SYNE1: variants seen among roughly 807,000 people sequenced by gnomAD.
SYNE1 encodes spectrin repeat containing nuclear envelope protein 1.
SYNE1 carries 616 observed loss-of-function variants against 1,111.0 expected under a neutral mutation model. The observed-to-expected ratio is 0.55, with a 90% confidence interval of 0.52 to 0.59. SYNE1 has a LOEUF of 0.59. Among genes scored for constraint, SYNE1 ranks in the 20% least tolerant of loss-of-function variants. The probability of loss-of-function intolerance (pLI) is 0.00; values close to 1 mark genes in which losing one functional copy is unlikely to be tolerated. For missense variants in SYNE1, 10,006 were observed against 10,417.0 expected (o/e 0.96, Z 1.72); for synonymous variants, 3,855 against 3,825.8 (o/e 1.01, Z -0.28).
At position 152,526,127 on chromosome 6, in the gene SYNE1, C is replaced by T. The variant is rs767236485; in HGVS notation, c.178G>A (p.Gly60Ser). ...VDDLFEDMKD[G>S]VKLLALLEVL... ...TCCAGAAGGGCAAGCAGTTTAACAC[C>T]ATCTTTCATGTCTTCAAAAAGATCG... is the stretch of plus-strand genomic sequence containing the variant. The change falls in exon 5 of 146, where the codon GGT becomes AGT. Residue 60 changes from glycine to serine, a missense_variant. Physicochemically the swap from Gly to Ser is moderately conservative, Grantham distance 56. This residue lies in a region of SYNE1 where 1,971 missense variants were observed against 2,084.1 expected (regional missense o/e 0.95). Transcript: ENST00000367255. The T allele has an allele frequency of 1.9e-6, 3 of 1,614,088 alleles. No homozygotes were observed. The South Asian group carries it at 3.3e-5, about 18-fold the overall frequency.
At chr6:152,450,942 TA>T in intron 26 of SYNE1, 104 bp downstream of exon 26, 1 of 1,593,092 alleles carries the variant, frequency 6.3e-7, no homozygotes, top group Non-Finnish European at 8.6e-7. Context: ...CAAGGTAGAG[TA>T]ATTAAGCTAT....
intron 127 of SYNE1, among the ~76,000 whole-genome samples, chr6:152,200,340 A>G (rs533054338): frequency 6.6e-6 from 1 of 152,352 alleles, no homozygotes; most frequent in South Asian, 2.1e-4. Flanking sequence ...AGATAACACC[A>G]ATATAGTCAC....
intron 3 of SYNE1, among the ~76,000 whole-genome samples, chr6:152,611,238 AT>A (rs1334332086): frequency 6.6e-6 from 1 of 152,208 alleles, no homozygotes; most frequent in Non-Finnish European, 1.5e-5. Context: ...AGTGTGCTGT[AT>A]TCAGGAGACC....
At chr6:152,441,565 A>T (rs1191483363) in intron 31 of SYNE1, among the ~76,000 whole-genome samples, 1 of 152,222 alleles carries the variant, frequency 6.6e-6, no homozygotes, top group African/African-American at 2.4e-5. Flanking sequence ...TGACAAAAAA[A>T]TAAAAAAGGC....
At chr6:152,199,477 C>T (rs1329411478) in intron 127 of SYNE1, among the ~76,000 whole-genome samples, 1 of 151,806 alleles carries the variant, frequency 6.6e-6, no homozygotes, top group East Asian at 1.9e-4. Flanking sequence ...CTTTAAGTTA[C>T]TAAAAAAGAT....
intron 123 of SYNE1, among the ~76,000 whole-genome samples, chr6:152,212,478 T>C (rs1034130946): frequency 1.3e-5 from 2 of 152,186 alleles, no homozygotes; most frequent in Admixed American, 1.3e-4. Flanking sequence ...TTATTGCAAA[T>C]AGTATTCTAT....
chr6:152,165,599 T>C (rs565870218), intron 130 of SYNE1, among the ~76,000 whole-genome samples: 10 of 152,368 alleles, frequency 6.6e-5, no homozygotes, highest in South Asian at 4.1e-4. Context: ...TATTTCACAA[T>C]ATATTCTTTT....
intron 117 of SYNE1, among the ~76,000 whole-genome samples, chr6:152,222,916 C>T (rs972192758): frequency 8.5e-5 from 13 of 152,178 alleles, no homozygotes; most frequent in African/African-American, 3.1e-4. Flanking sequence ...TCTACCAAGC[C>T]TATCTAAATA....
chr6:152,421,802 T>G (rs977759467), intron 39 of SYNE1, among the ~76,000 whole-genome samples: 1 of 151,918 alleles, frequency 6.6e-6, no homozygotes, highest in Non-Finnish European at 1.5e-5. Flanking sequence ...GCCTCCCAGA[T>G]TCAAGAGATT....
chr6:152,447,350 A>G, intron 29 of SYNE1, 108 bp downstream of exon 29: 2 of 1,260,240 alleles, frequency 1.6e-6, no homozygotes, highest in Non-Finnish European at 2.2e-6. Flanking sequence ...TTCTGTTTCA[A>G]CTATGGTTTC....
chr6:152,374,799 T>TAAAA (rs1445130553), intron 58 of SYNE1, among the ~76,000 whole-genome samples: 1 of 120,160 alleles, frequency 8.3e-6, no homozygotes, highest in Admixed American at 8.3e-5. Context: ...AATAAATAAA[T>TAAAA]AAAAAGAAAA....
chr6:152,495,994 C>A (rs2098997485), intron 11 of SYNE1, among the ~76,000 whole-genome samples: 1 of 152,200 alleles, frequency 6.6e-6, no homozygotes, highest in Non-Finnish European at 1.5e-5. Context: ...CAAGACACCT[C>A]TTTTAGTGCT....
In SYNE1 at chr6:152,285,432, T is replaced by C. The variant is rs532224151; in HGVS notation, c.18013-1260A>G. Among the ~76,000 whole-genome samples the C allele has an allele frequency of 2.0e-5, 3 of 152,314 alleles. No individual in the cohort carries two copies. In the East Asian group the frequency reaches 5.8e-4, roughly 29 times the overall value. ...CAATTACAGCAACCTTTTGAAAATA[T>C]CAATTAGGTCCTCTCACTCCCCTGC... On this transcript the variant is annotated intron_variant, in intron 95 of 145. Coordinates refer to ENST00000367255, the MANE Select transcript of SYNE1 (RefSeq NM_182961.4).
chr6:152,552,450 A>G, intron 3 of SYNE1, among the ~76,000 whole-genome samples: 1 of 122,908 alleles, frequency 8.1e-6, no homozygotes, highest in Non-Finnish European at 1.6e-5. Context: ...TTATATATTT[A>G]CATATTTATA....
chr6:152,230,942 TAA>T (rs967872402), intron 114 of SYNE1, among the ~76,000 whole-genome samples: 5 of 142,334 alleles, frequency 3.5e-5, no homozygotes, highest in Admixed American at 7.1e-5. Context: ...GCCGACGATC[TAA>T]AAAAAAAAAA....
intron 3 of SYNE1, among the ~76,000 whole-genome samples, chr6:152,547,528 C>T (rs1355988356): frequency 6.6e-6 from 1 of 152,144 alleles, no homozygotes; most frequent in Non-Finnish European, 1.5e-5. Flanking sequence ...TTATAAGGTG[C>T]TGGAAGAGAC....
Position 152,155,984 on chromosome 6 carries a change from A to G in SYNE1, c.23904T>C (p.Ser7968=), listed in dbSNP as rs754161416. 4 of 1,614,172 alleles carry G rather than the reference A, an allele frequency of 2.5e-6. No homozygotes were observed. In the South Asian group the frequency reaches 3.3e-5, roughly 13 times the overall value. ...DACATDAECD[S]IQQATRNLDR... ...CCAGGTTTCTCGTAGCCTGCTGTAT[A>G]GAGTCACACTCGGCATCAGTGGCAC... Residue 7968 remains serine, a synonymous_variant, in exon 132 of 146, where the codon TCT becomes TCC. Transcript: ENST00000367255.
chr6:152,143,590 A>G (rs1198476951), intron 138 of SYNE1, 33 bp downstream of exon 138: 1 of 1,613,904 alleles, frequency 6.2e-7, no homozygotes, highest in African/African-American at 1.3e-5. Flanking sequence ...GTGGTTTCGC[A>G]CAGGTCGGAA....
At position 152,151,549 on chromosome 6, in the gene SYNE1, T is replaced by C; in HGVS notation, c.24450+4A>G. The C allele has an allele frequency of 6.2e-7, 1 of 1,613,876 alleles. No individual in the cohort carries two copies. The highest frequency in any genetic ancestry group is 8.5e-7 in the Non-Finnish European group (1 of 1,179,972). The stretch of plus-strand genomic sequence containing the variant: ...CTTTGGTAACTTGAAAAATAATCTA[T>C]TACCTTGAGTTGCTTTATTTTAGCT... On this transcript the variant is annotated splice_donor_region_variant and intron_variant, in intron 135 of 145. Transcript: ENST00000367255.
Sources: gnomAD v4.1 joint callset for allele counts (sites outside exome capture counted in the v4.1 genomes callset) on GRCh38, gnomAD v4.1.1 for gene constraint, gnomAD v4.1.1 regional missense constraint, MANE v1.5 for transcripts, NCBI Gene and HGNC (gene_info 2026-07-23, HGNC 2026-07-21) for gene names.